CDH23: variants seen among roughly 807,000 people sequenced by gnomAD.
CDH23 encodes cadherin-23.
Under a neutral mutation model 317.1 loss-of-function variants are expected in CDH23, and 189 were observed. The ratio of observed to expected loss-of-function variants is 0.60; its 90% CI spans 0.53 to 0.67. The LOEUF is 0.67. CDH23 is among the 30% of genes least tolerant of loss of function. The probability of loss-of-function intolerance (pLI) is 0.00; values close to 1 mark genes in which losing one functional copy is unlikely to be tolerated. For missense variants in CDH23, 4,401 were observed against 4,592.4 expected, an observed-to-expected ratio of 0.96 and a Z score of 1.20; for synonymous variants, 1,839 against 1,876.8, an observed-to-expected ratio of 0.98 and a Z score of 0.52.
chr10:71,674,050 A>G (rs1372775927), intron 14 of CDH23, among the ~76,000 whole-genome samples: 1 of 152,202 alleles, frequency 6.6e-6, no homozygotes, highest in Non-Finnish European at 1.5e-5. Flanking sequence ...AGGAAATCCA[A>G]CACAAGAGGC....
chr10:71,712,848 G>C, intron 28 of CDH23, 35 bp downstream of exon 28: 1 of 1,599,780 alleles, frequency 6.3e-7, no homozygotes, highest in Non-Finnish European at 8.5e-7. Context: ...CAGGTGGTGG[G>C]CTGGGGGAGG....
chr10:71,475,918 T>C (rs1851772514), intron 3 of CDH23, among the ~76,000 whole-genome samples: 2 of 152,218 alleles, frequency 1.3e-5, no homozygotes, highest in African/African-American at 4.8e-5. Flanking sequence ...CCATCTGCCA[T>C]GTGGCCTAGG....
At chr10:71,748,585 TCTC>T (rs1252397216) in intron 38 of CDH23, 2 of 152,258 alleles carry the variant, frequency 1.3e-5, no homozygotes, top group Non-Finnish European at 2.9e-5. Flanking sequence ...TCCTGATTGA[TCTC>T]CTAACAATGA....
chr10:71,676,892 C>T (rs1015991400), intron 15 of CDH23, among the ~76,000 whole-genome samples: 3 of 152,282 alleles, frequency 2.0e-5, no homozygotes, highest in African/African-American at 7.2e-5. Flanking sequence ...ACACAGATGT[C>T]AACTGACAGC....
At chr10:71,423,175 C>CGT (rs1474416801) in intron 1 of CDH23, among the ~76,000 whole-genome samples, 2 of 152,114 alleles carry the variant, frequency 1.3e-5, no homozygotes, top group Non-Finnish European at 2.9e-5. Flanking sequence ...AAGAGACAGG[C>CGT]GTGTGCACAC....
chr10:71,687,459 A>G (rs773510605), intron 18 of CDH23, among the ~76,000 whole-genome samples, 188 bp from the exon 19 acceptor site: 4 of 152,050 alleles, frequency 2.6e-5, no homozygotes, highest in Non-Finnish European at 5.9e-5. Flanking sequence ...CCTACCTCCT[A>G]GAGCTGTAGC....
intron 9 of CDH23, among the ~76,000 whole-genome samples, chr10:71,597,270 T>C (rs1387023922): frequency 6.6e-6 from 1 of 152,048 alleles, no homozygotes. Context: ...TCCGTCTTTC[T>C]CCCAACATGG....
chr10:71,786,565 T>C (rs1002678229), intron 44 of CDH23, among the ~76,000 whole-genome samples: 3 of 147,812 alleles, frequency 2.0e-5, no homozygotes, highest in Non-Finnish European at 4.4e-5. Flanking sequence ...AATCGTGATC[T>C]CAGCTCACTG....
chr10:71,613,361 G>A (rs994526220), intron 9 of CDH23, among the ~76,000 whole-genome samples: 1 of 152,210 alleles, frequency 6.6e-6, no homozygotes, highest in Admixed American at 6.5e-5. Context: ...GAGTCTCCAT[G>A]GCTGGGAAAG....
intron 3 of CDH23, among the ~76,000 whole-genome samples, chr10:71,469,389 A>G (rs148979205): frequency 6.6e-6 from 1 of 152,158 alleles, no homozygotes; most frequent in East Asian, 1.9e-4. Context: ...ACATGGAATA[A>G]TACTGTATGT....
chr10:71,617,040 A>G (rs1327396902), intron 10 of CDH23, among the ~76,000 whole-genome samples, 165 bp from the exon 11 acceptor site: 1 of 152,172 alleles, frequency 6.6e-6, no homozygotes, highest in African/African-American at 2.4e-5. Context: ...TATCACTAAA[A>G]TGGGGATACT....
intron 3 of CDH23, among the ~76,000 whole-genome samples, chr10:71,479,171 G>T (rs1851941586): frequency 6.6e-6 from 1 of 152,010 alleles, no homozygotes; most frequent in African/African-American, 2.4e-5. Flanking sequence ...AATTAAAGGA[G>T]GCAGGATTCA....
intron 1 of CDH23, among the ~76,000 whole-genome samples, chr10:71,415,931 A>G (rs1455098870): frequency 1.3e-5 from 2 of 152,156 alleles, no homozygotes; most frequent in African/African-American, 4.8e-5. Context: ...TTTTATAAAT[A>G]TTTTTCATTG....
chr10:71,537,614 C>G (rs1855770293), intron 6 of CDH23, among the ~76,000 whole-genome samples: 1 of 152,178 alleles, frequency 6.6e-6, no homozygotes, highest in South Asian at 2.1e-4. Context: ...GATGAAGGAA[C>G]AGTGTGTGGA....
intron 2 of CDH23, among the ~76,000 whole-genome samples, chr10:71,441,823 C>T (rs923722088): frequency 2.0e-5 from 3 of 152,204 alleles, no homozygotes; most frequent in Admixed American, 2.0e-4. Context: ...TCCCCTTGAG[C>T]TCTCCAGATG....
chr10:71,794,991 GACAC>G (rs1168900171), intron 48 of CDH23, among the ~76,000 whole-genome samples: 1 of 152,118 alleles, frequency 6.6e-6, no homozygotes, highest in African/African-American at 2.4e-5. Context: ...CAATAAATTA[GACAC>G]ACACAGAGCA....
chr10:71,635,293 T>G (rs1041694685), intron 11 of CDH23: 2 of 152,632 alleles, frequency 1.3e-5, no homozygotes, highest in African/African-American at 4.8e-5. Context: ...GGTCTGCACG[T>G]GCAGGTGAGG....
At chr10:71,649,019 C>T (rs1277727935) in intron 14 of CDH23, among the ~76,000 whole-genome samples, 1 of 152,208 alleles carries the variant, frequency 6.6e-6, no homozygotes, top group East Asian at 1.9e-4. Context: ...TTCTCATCTG[C>T]AAAATGGGCC....
At chr10:71,720,773 T>A (rs1340182334) in intron 28 of CDH23, among the ~76,000 whole-genome samples, 1 of 152,162 alleles carries the variant, frequency 6.6e-6, no homozygotes, top group Non-Finnish European at 1.5e-5. Context: ...ATCTAACTCC[T>A]CTTCTGAGAG....
Sources: allele counts gnomAD v4.1 joint callset (sites outside exome capture counted in the v4.1 genomes callset), GRCh38; gene constraint gnomAD v4.1.1; transcripts MANE v1.5; gene names NCBI Gene and HGNC (gene_info 2026-07-23, HGNC 2026-07-21).